KAZN: variants seen among roughly 807,000 people sequenced by gnomAD.
KAZN encodes the protein kazrin, periplakin interacting protein.
A neutral mutation model predicts 87.4 loss-of-function variants in KAZN; 40 were observed. The observed-to-expected ratio is 0.46, with a 90% confidence interval of 0.36 to 0.60. KAZN has a LOEUF of 0.60. KAZN is among the 20% of genes least tolerant of loss of function. The pLI, the probability that KAZN is intolerant of heterozygous loss-of-function variation, is 0.00. For missense variants in KAZN, 898 were observed against 1,073.9 expected, an observed-to-expected ratio of 0.84 and a Z score of 2.29; for synonymous variants, 466 against 458.3, an observed-to-expected ratio of 1.02 and a Z score of -0.22.
intron 1 of KAZN, among the ~76,000 whole-genome samples, chr1:13,941,575 G>T (rs570074660): frequency 1.3e-5 from 2 of 152,300 alleles, no homozygotes; most frequent in South Asian, 4.1e-4. Flanking sequence ...TCTGTCCCAG[G>T]AGGCATCCTC....
At chr1:14,867,724 A>ACCCCC (rs1553148134) in intron 1 of KAZN, among the ~76,000 whole-genome samples, 381 of 107,456 alleles carry the variant, frequency 3.5e-3, no homozygotes, top group African/African-American at 4.9e-3. Flanking sequence ...CTTTGAAGAC[A>ACCCCC]CCCCCCCCCC....
intron 2 of KAZN, among the ~76,000 whole-genome samples, chr1:14,419,839 G>A (rs1278314877): frequency 1.3e-5 from 2 of 152,120 alleles, no homozygotes; most frequent in Non-Finnish European, 2.9e-5. Context: ...CGGAAGTGAA[G>A]CCAGACACCT....
chr1:14,804,887 T>C (rs77215988), intron 1 of KAZN, among the ~76,000 whole-genome samples: 1 of 152,148 alleles, frequency 6.6e-6, no homozygotes, highest in African/African-American at 2.4e-5. Context: ...CTAGGCGTAA[T>C]TGGCACCACA....
chr1:14,485,501 T>A (rs1669300855), intron 2 of KAZN, among the ~76,000 whole-genome samples: 1 of 152,192 alleles, frequency 6.6e-6, no homozygotes, highest in Non-Finnish European at 1.5e-5. Context: ...ACTGTTGCCA[T>A]GGCAACACCC....
rs190185835 is a variant in KAZN at position 14,666,206 on chromosome 1, G to A, written c.226+66983G>A. 1.7e-3 allele frequency among the ~76,000 whole-genome samples: 257 copies of A among 152,058 alleles called. 1 individual carries two copies. The highest frequency in any genetic ancestry group is 5.9e-3 in the African/African-American group (244 of 41,472). ...CTGTGTATCTACCAGAGAAGATCTC[G>A]TGTGTGGTTATTATAGAAGTGATTG... is the stretch of plus-strand genomic sequence containing the variant. On this transcript the variant is annotated intron_variant, in intron 1 of 14. Coordinates refer to ENST00000376030, the MANE Select transcript of KAZN (RefSeq NM_201628.3).
intron 2 of KAZN, among the ~76,000 whole-genome samples, chr1:14,579,577 A>T (rs960927962): frequency 6.6e-6 from 1 of 151,984 alleles, no homozygotes; most frequent in Non-Finnish European, 1.5e-5. Context: ...GTGAGCCGAG[A>T]TCGCACCACT....
At chr1:14,824,286 G>A (rs1415028122) in intron 1 of KAZN, among the ~76,000 whole-genome samples, 2 of 152,146 alleles carry the variant, frequency 1.3e-5, no homozygotes, top group Non-Finnish European at 2.9e-5. Flanking sequence ...GAGCTAGAAA[G>A]GGATAGGCAG....
chr1:14,446,008 T>C (rs910922200), intron 2 of KAZN, among the ~76,000 whole-genome samples: 1 of 146,958 alleles, frequency 6.8e-6, no homozygotes, highest in South Asian at 2.1e-4. Flanking sequence ...CTGAGCAACA[T>C]GGCAAGACCC....
intron 1 of KAZN, among the ~76,000 whole-genome samples, chr1:14,901,543 G>C (rs1411722136): frequency 6.6e-6 from 1 of 152,184 alleles, no homozygotes. Context: ...AGTCAGATGG[G>C]GGTGGAGAGG....
At chr1:14,492,694 C>T (rs1669724409) in intron 2 of KAZN, among the ~76,000 whole-genome samples, 1 of 76 alleles carries the variant, frequency 0.013, no homozygotes, top group African/African-American at 0.056. Flanking sequence ...ACACACACCA[C>T]ACATACACAG....
At chr1:14,291,309 A>G (rs1351404305) in intron 2 of KAZN, among the ~76,000 whole-genome samples, 1 of 152,158 alleles carries the variant, frequency 6.6e-6, no homozygotes, top group African/African-American at 2.4e-5. Context: ...TACAGGAGCA[A>G]TAGGCCTTGC....
intron 2 of KAZN, among the ~76,000 whole-genome samples, chr1:14,446,916 A>G (rs1254209378): frequency 6.6e-6 from 1 of 151,928 alleles, no homozygotes; most frequent in East Asian, 1.9e-4. Context: ...AAAAAATTCA[A>G]CTTTTATTGC....
intron 2 of KAZN, among the ~76,000 whole-genome samples, chr1:14,284,686 G>A (rs1161397800): frequency 6.6e-6 from 1 of 152,238 alleles, no homozygotes; most frequent in African/African-American, 2.4e-5. Flanking sequence ...AGAAGGTAGA[G>A]TGGAAAGGAA....
intron 2 of KAZN, among the ~76,000 whole-genome samples, chr1:14,223,898 A>AG (rs1340915040): frequency 1.3e-5 from 2 of 152,190 alleles, no homozygotes; most frequent in Non-Finnish European, 2.9e-5. Flanking sequence ...TGATGGGCAA[A>AG]GGAGGTGATC....
chr1:14,188,678 A>G (rs1289330446), intron 2 of KAZN, among the ~76,000 whole-genome samples: 3 of 152,206 alleles, frequency 2.0e-5, no homozygotes, highest in Non-Finnish European at 1.5e-5. Flanking sequence ...GCCAGTAGTC[A>G]GTTCTCAATT....
chr1:14,904,363 AGAG>A, intron 1 of KAZN, among the ~76,000 whole-genome samples: 1 of 151,682 alleles, frequency 6.6e-6, no homozygotes, highest in East Asian at 1.9e-4. Context: ...ATTGTGAATT[AGAG>A]GAGACCAACG....
intron 1 of KAZN, among the ~76,000 whole-genome samples, chr1:14,737,086 C>A (rs568449859): frequency 1.3e-5 from 2 of 152,250 alleles, no homozygotes; most frequent in African/African-American, 4.8e-5. Context: ...CTGCTGGGAG[C>A]AAATGTGACA....
chr1:14,765,392 G>A (rs1289173130), intron 1 of KAZN, among the ~76,000 whole-genome samples: 8 of 152,230 alleles, frequency 5.3e-5, no homozygotes, highest in East Asian at 1.9e-4. Context: ...GGCAGCCAGG[G>A]CCTCTTGTGT....
intron 1 of KAZN, among the ~76,000 whole-genome samples, chr1:14,958,825 G>A (rs929768959): frequency 6.6e-6 from 1 of 152,242 alleles, no homozygotes; most frequent in African/African-American, 2.4e-5. Flanking sequence ...TGGAGGGAAG[G>A]GGAAGGCAGT....
Sources: allele counts gnomAD v4.1 joint callset (sites outside exome capture counted in the v4.1 genomes callset), GRCh38; gene constraint gnomAD v4.1.1; transcripts MANE v1.5; gene names NCBI Gene and HGNC (gene_info 2026-07-23, HGNC 2026-07-21).